The following TEX15 variants were observed in gnomAD, a reference collection of about 807,000 sequenced individuals.
TEX15 encodes the protein testis expressed 15, meiosis and synapsis associated, also known as testis-expressed protein 15.
In TEX15, 171 loss-of-function variants were observed where a neutral mutation model predicts 237.3. That is an observed-to-expected ratio of 0.72 (90% CI 0.64 to 0.82). The LOEUF is 0.82. Ranked by LOEUF, TEX15 falls within the 40% of genes least tolerant of loss-of-function variation. TEX15 has a pLI of 0.00. For missense variants in TEX15, 3,750 were observed against 3,646.5 expected (o/e 1.03, Z -0.73); for synonymous variants, 1,338 against 1,269.8 (o/e 1.05, Z -1.14).
intron 5 of TEX15, among the ~76,000 whole-genome samples, chr8:30,862,965 A>G (rs1354770367): frequency 2.6e-5 from 4 of 152,182 alleles, no homozygotes; most frequent in Admixed American, 2.0e-4. Flanking sequence ...AGGAGGTACC[A>G]GACATCTGTC....
At chr8:30,849,435 T>C in intron 7 of TEX15, 119 bp from the exon 8 acceptor site, 1 of 549,112 alleles carries the variant, frequency 1.8e-6, no homozygotes, top group Non-Finnish European at 3.1e-6. Flanking sequence ...CTAATGATGA[T>C]TAAAATGTGT....
intron 1 of TEX15, among the ~76,000 whole-genome samples, chr8:30,899,175 C>T (rs1808962113): frequency 6.6e-6 from 1 of 152,200 alleles, no homozygotes; most frequent in Admixed American, 6.5e-5. Flanking sequence ...TGAGCTTGCT[C>T]TAGTGTTTTT....
chr8:30,883,607 T>G (rs1307612370), intron 3 of TEX15, among the ~76,000 whole-genome samples: 1 of 152,150 alleles, frequency 6.6e-6, no homozygotes, highest in Non-Finnish European at 1.5e-5. Context: ...CATGTGGTGT[T>G]TGGTTTTCTG....
At chr8:30,876,123 A>T (rs1031987117) in intron 3 of TEX15, among the ~76,000 whole-genome samples, 8 of 152,262 alleles carry the variant, frequency 5.3e-5, no homozygotes, top group Non-Finnish European at 1.2e-4. Flanking sequence ...TCCTGGTCAA[A>T]TTTTTGACCA....
intron 3 of TEX15, among the ~76,000 whole-genome samples, chr8:30,884,031 C>T (rs1437512333): frequency 6.6e-6 from 1 of 152,136 alleles, no homozygotes; most frequent in Non-Finnish European, 1.5e-5. Context: ...GACTACTGTA[C>T]CACACAGGCT....
intron 2 of TEX15, chr8:30,890,464 T>G (rs1385208805): frequency 6.6e-6 from 1 of 152,180 alleles, no homozygotes; most frequent in Non-Finnish European, 1.5e-5. Context: ...TATTTGCCAT[T>G]GTCTAGCTCA....
rs546797965 is a variant in TEX15 at position 30,857,972 on chromosome 8, A to AC, written c.850+695_850+696insG. On this transcript the variant is annotated intron_variant, in intron 7 of 10. Coordinates refer to ENST00000643185, the MANE Select transcript of TEX15 (RefSeq NM_001350162.2). ...ACCATTTGATGTTGTCTTTAAGTTG[A>AC]ACATTCCTGTTGTAAATACATATTC... Among the ~76,000 whole-genome samples the AC allele has an allele frequency of 3.9e-5, 6 of 152,248 alleles. No homozygotes were observed. The South Asian group carries it at 1.2e-3, about 31-fold the overall frequency.
At chr8:30,878,148 G>T (rs1808439905) in intron 3 of TEX15, among the ~76,000 whole-genome samples, 1 of 130,440 alleles carries the variant, frequency 7.7e-6, no homozygotes, top group Non-Finnish European at 1.6e-5. Context: ...CAACCAAGTT[G>T]TTATATGAGT....
Position 30,837,287 on chromosome 8 carries a change from T to C in TEX15, c.8997A>G (p.Gln2999=), listed in dbSNP as rs1214387575. 1.2e-6 allele frequency: 2 copies of C among 1,614,182 alleles called. No homozygotes were observed. Among genetic ancestry groups the C allele is most frequent in the South Asian group, 1.1e-5 (1 of 91,086 alleles). The change falls in exon 10 of 11, where the codon CAA becomes CAG. Residue 2999 remains glutamine, a synonymous_variant. Transcript: ENST00000643185. ...NQGAEYSLSE[Q]QNDKNSKVLM... is the part of the protein sequence containing the mutation. Reference sequence around the variant, plus strand: ...GGACTTTTGAATTTTTGTCATTCTGTTGTTCAGAAAGAGAGTACTCTGCTC... The same window carrying C: ...GGACTTTTGAATTTTTGTCATTCTGCTGTTCAGAAAGAGAGTACTCTGCTC...
chr8:30,857,452 AC>A (rs901989849), intron 7 of TEX15, among the ~76,000 whole-genome samples: 21 of 152,228 alleles, frequency 1.4e-4, no homozygotes, highest in African/African-American at 4.8e-4. Context: ...TCATCAAAAA[AC>A]ATTTGACAAA....
At chr8:30,856,608 A>G (rs1002063866) in intron 7 of TEX15, among the ~76,000 whole-genome samples, 1 of 152,164 alleles carries the variant, frequency 6.6e-6, no homozygotes, top group Non-Finnish European at 1.5e-5. Context: ...ATGATTGCAC[A>G]TATTTGTGAA....
chr8:30,850,216 A>G (rs1165415568), intron 7 of TEX15, among the ~76,000 whole-genome samples: 1 of 152,184 alleles, frequency 6.6e-6, no homozygotes, highest in Non-Finnish European at 1.5e-5. Flanking sequence ...TGTTCCTGCA[A>G]ATAATATATG....
rs184927231 is a variant in TEX15 at position 30,867,544 on chromosome 8, C to T, written c.303-42G>A. 9.6e-5 allele frequency: 119 copies of T among 1,243,668 alleles called. No homozygotes were observed. In the East Asian group the frequency reaches 2.6e-3, roughly 28 times the overall value. The allele number at this position is 1,243,668 out of a possible 1,614,324, so 77.0% of individuals were successfully genotyped here. On this transcript the variant is annotated intron_variant, in intron 4 of 10. Transcript: ENST00000643185. ...AATGTATACAGTTAAAGATAAATAT[C>T]AACAAAATTTTCAAGAAGATACATA...
At position 30,909,169 on chromosome 8, in the gene TEX15, A is replaced by C. The variant is rs1484186393; in HGVS notation, c.-86+3710T>G. 1.3e-5 allele frequency among the ~76,000 whole-genome samples: 2 copies of C among 152,072 alleles called. 1 individual carries two copies. The highest frequency in any genetic ancestry group is 4.8e-5 in the African/African-American group (2 of 41,378). ...ACTCAAATCAGTTATTTTATTAATC[A>C]TTATCCTAAAAAATCTTCAAATTTA... On this transcript the variant is annotated intron_variant, in intron 1 of 10. Transcript: ENST00000643185.
In TEX15 at chr8:30,837,273, T is replaced by C; in HGVS notation, c.9011A>G (p.Asn3004Ser). The C allele has an allele frequency of 6.2e-7, 1 of 1,614,186 alleles. No individual in the cohort carries two copies. The highest frequency in any genetic ancestry group is 8.5e-7 in the Non-Finnish European group (1 of 1,180,040). Residue 3004 changes from asparagine to serine, a missense_variant, in exon 10 of 11, where the codon AAT becomes AGT. Coordinates refer to ENST00000643185, the MANE Select transcript of TEX15 (RefSeq NM_001350162.2). ...YSLSEQQNDK[N>S]SKVLMQNAAT... The stretch of plus-strand genomic sequence containing the variant: ...AGCATTCTGCATTAGGACTTTTGAA[T>C]TTTTGTCATTCTGTTGTTCAGAAAG...
At chr8:30,891,269 C>T (rs1808787726) in intron 2 of TEX15, among the ~76,000 whole-genome samples, 1 of 152,170 alleles carries the variant, frequency 6.6e-6, no homozygotes, top group Admixed American at 6.5e-5. Context: ...ATGCCTCAGC[C>T]TCCCCAATGG....
rs763469599 is a variant in TEX15 at position 30,848,350 on chromosome 8, T to C, written c.1817A>G (p.Lys606Arg). 1.2e-6 allele frequency: 2 copies of C among 1,614,156 alleles called. No homozygotes were observed. The highest frequency in any genetic ancestry group is 2.2e-5 in the South Asian group (2 of 91,074). Reference sequence around the variant, plus strand: ...GTATTCATCAATGCTTACTTTCTTTTTGAGTGGAAAAACTGTAGACGTTTG... The same window carrying C: ...GTATTCATCAATGCTTACTTTCTTTCTGAGTGGAAAAACTGTAGACGTTTG... ...GCQTSTVFPLKKKVSIDEYLQ... is the reference protein window; with the variant it reads ...GCQTSTVFPLRKKVSIDEYLQ... Residue 606 changes from lysine to arginine, a missense_variant, in exon 8 of 11, where the codon AAA becomes AGA. By Grantham distance (26) the Lys-to-Arg change is conservative. Transcript: ENST00000643185.
At chr8:30,870,091 A>G (rs1215787263) in intron 4 of TEX15, among the ~76,000 whole-genome samples, 2 of 151,844 alleles carry the variant, frequency 1.3e-5, no homozygotes, top group Non-Finnish European at 2.9e-5. Context: ...ACAACACTCA[A>G]GTCTTAGAAT....
chr8:30,878,158 T>C (rs910431076), intron 3 of TEX15, among the ~76,000 whole-genome samples: 10 of 147,060 alleles, frequency 6.8e-5, no homozygotes, highest in African/African-American at 2.3e-4. Context: ...GTTATATGAG[T>C]AGATTGTTTC....
Sources: allele counts gnomAD v4.1 joint callset (sites outside exome capture counted in the v4.1 genomes callset), GRCh38; gene constraint gnomAD v4.1.1; transcripts MANE v1.5; gene names NCBI Gene and HGNC (gene_info 2026-07-23, HGNC 2026-07-21).